The following ZNF385B variants were observed in gnomAD, a reference collection of about 807,000 sequenced individuals.
The protein encoded by ZNF385B is zinc finger protein 385B, also known as zinc finger protein 533.
A neutral mutation model predicts 39.2 loss-of-function variants in ZNF385B; 23 were observed. That is an observed-to-expected ratio of 0.59 (90% CI 0.42 to 0.83). The LOEUF (loss-of-function observed/expected upper bound fraction) is 0.83, where lower values mean the gene tolerates loss of function less well. Ranked by LOEUF, ZNF385B falls within the 40% of genes least tolerant of loss-of-function variation. The pLI is 0.00. For missense variants in ZNF385B, 552 were observed against 598.9 expected (o/e 0.92, Z 0.82); for synonymous variants, 205 against 222.6 (o/e 0.92, Z 0.70).
At chr2:179,679,849 C>G (rs998383822) in intron 3 of ZNF385B, among the ~76,000 whole-genome samples, 1 of 152,072 alleles carries the variant, frequency 6.6e-6, no homozygotes, top group African/African-American at 2.4e-5. Flanking sequence ...CTTATTTATG[C>G]TTTTGCCTAC....
At chr2:179,665,001 G>A (rs916852775) in intron 3 of ZNF385B, among the ~76,000 whole-genome samples, 3 of 152,134 alleles carry the variant, frequency 2.0e-5, no homozygotes, top group Non-Finnish European at 2.9e-5. Context: ...CTTGGATTCA[G>A]AATTAGCTAA....
intron 3 of ZNF385B, among the ~76,000 whole-genome samples, chr2:179,715,470 G>T (rs1042282733): frequency 6.6e-6 from 1 of 152,146 alleles, no homozygotes; most frequent in Non-Finnish European, 1.5e-5. Flanking sequence ...CAGAAAAAGG[G>T]ATTTACTGAG....
At chr2:179,502,791 C>T (rs897411719) in intron 5 of ZNF385B, among the ~76,000 whole-genome samples, 2 of 152,132 alleles carry the variant, frequency 1.3e-5, no homozygotes, top group East Asian at 3.9e-4. Flanking sequence ...TACCTTCACC[C>T]CCACATTCAA....
At chr2:179,604,721 GT>G (rs1574958208) in intron 3 of ZNF385B, among the ~76,000 whole-genome samples, 1 of 151,966 alleles carries the variant, frequency 6.6e-6, no homozygotes, top group African/African-American at 2.4e-5. Flanking sequence ...TGGCAAGGCT[GT>G]TTTTGAGCAA....
At chr2:179,497,257 G>A (rs570150934) in intron 5 of ZNF385B, among the ~76,000 whole-genome samples, 9 of 152,196 alleles carry the variant, frequency 5.9e-5, no homozygotes, top group Admixed American at 1.3e-4. Flanking sequence ...CACAGAATAA[G>A]ATAACACTGT....
intron 3 of ZNF385B, among the ~76,000 whole-genome samples, chr2:179,761,577 G>C (rs1703388692): frequency 6.7e-6 from 1 of 148,950 alleles, no homozygotes; most frequent in African/African-American, 2.4e-5. Context: ...AATATAATAT[G>C]CAATTGATTT....
intron 3 of ZNF385B, among the ~76,000 whole-genome samples, chr2:179,751,949 A>G (rs372529811): frequency 1.3e-5 from 2 of 151,974 alleles, no homozygotes; most frequent in Non-Finnish European, 2.9e-5. Flanking sequence ...TCTTTTTATT[A>G]TTATACTTTA....
At chr2:179,581,718 T>C (rs558491658) in intron 3 of ZNF385B, among the ~76,000 whole-genome samples, 1 of 152,314 alleles carries the variant, frequency 6.6e-6, no homozygotes, top group East Asian at 1.9e-4. Context: ...TTCCCAGAAT[T>C]CCTTGCAGCT....
chr2:179,597,526 T>A (rs1688094913), intron 3 of ZNF385B, among the ~76,000 whole-genome samples: 1 of 152,218 alleles, frequency 6.6e-6, no homozygotes, highest in Non-Finnish European at 1.5e-5. Flanking sequence ...GTCAGTAGCT[T>A]TACTCTTGAA....
chr2:179,790,226 C>T (rs61382583), intron 1 of ZNF385B, among the ~76,000 whole-genome samples: 5,994 of 152,238 alleles, frequency 0.039, 395 homozygotes, highest in African/African-American at 0.14. Flanking sequence ...TGGAAGATTT[C>T]TCCTCTTTTG....
chr2:179,580,028 A>G (rs1042713167), intron 3 of ZNF385B, among the ~76,000 whole-genome samples: 1 of 152,174 alleles, frequency 6.6e-6, no homozygotes, highest in African/African-American at 2.4e-5. Context: ...AAGGCCTGGA[A>G]TGGAATCTCA....
At chr2:179,622,242 A>T (rs1213189459) in intron 3 of ZNF385B, among the ~76,000 whole-genome samples, 1 of 152,236 alleles carries the variant, frequency 6.6e-6, no homozygotes, top group Admixed American at 6.5e-5. Context: ...ATAAAAATGT[A>T]GTATAACAGC....
Position 179,547,608 on chromosome 2 carries a change from G to T in ZNF385B, c.299-2639C>A, listed in dbSNP as rs575506373. Among the ~76,000 whole-genome samples, 67 of 149,308 alleles carry T rather than the reference G, an allele frequency of 4.5e-4. 1 individual carries two copies. Among genetic ancestry groups the T allele is most frequent in the Non-Finnish European group, 6.1e-4 (41 of 67,580 alleles). ...TTTTATGCCAGTACCATGATGTTTT[G>T]GTTACTATAGCTCTGCAGAATAATT... is the stretch of plus-strand genomic sequence containing the variant. On this transcript the variant is annotated intron_variant, in intron 3 of 9. Transcript: ENST00000410066.
At chr2:179,705,410 C>T (rs1039591607) in intron 3 of ZNF385B, among the ~76,000 whole-genome samples, 11 of 152,206 alleles carry the variant, frequency 7.2e-5, no homozygotes, top group African/African-American at 2.2e-4. Context: ...GTGTTGGGTT[C>T]ACCATCTTTC....
intron 5 of ZNF385B, among the ~76,000 whole-genome samples, chr2:179,489,052 C>T (rs2054923217): frequency 6.6e-6 from 1 of 152,098 alleles, no homozygotes; most frequent in African/African-American, 2.4e-5. Flanking sequence ...ATATGAGAAT[C>T]AGGAGAGAGG....
chr2:179,527,256 T>G (rs986078169), intron 4 of ZNF385B, among the ~76,000 whole-genome samples: 1 of 152,098 alleles, frequency 6.6e-6, no homozygotes, highest in African/African-American at 2.4e-5. Flanking sequence ...CACAAGGGAG[T>G]CAGCCCAGAG....
At chr2:179,655,884 A>C (rs756566934) in intron 3 of ZNF385B, among the ~76,000 whole-genome samples, 12 of 152,208 alleles carry the variant, frequency 7.9e-5, no homozygotes, top group Non-Finnish European at 1.5e-4. Context: ...TAAAACAATT[A>C]CTTTACAGCT....
In ZNF385B at chr2:179,781,629, A is replaced by T. The variant is rs188166360; in HGVS notation, c.-154-10957T>A. ...ACTATAAGAGAAAAAATTGGGATACACTAAAATTAAAATTGTTTCTTCAAA... is the reference window on the plus strand; with the variant it reads ...ACTATAAGAGAAAAAATTGGGATACTCTAAAATTAAAATTGTTTCTTCAAA... On this transcript the variant is annotated intron_variant, in intron 1 of 9. Coordinates refer to ENST00000410066, the MANE Select transcript of ZNF385B (RefSeq NM_152520.6). Among the ~76,000 whole-genome samples the T allele has an allele frequency of 1.3e-3, 195 of 152,282 alleles. 2 individuals carry two copies. The highest frequency in any genetic ancestry group is 4.5e-3 in the African/African-American group (189 of 41,568).
At chr2:179,593,550 A>G (rs1158835416) in intron 3 of ZNF385B, among the ~76,000 whole-genome samples, 1 of 152,182 alleles carries the variant, frequency 6.6e-6, no homozygotes, top group Non-Finnish European at 1.5e-5. Flanking sequence ...TAGAACAATT[A>G]CTTAAATGCT....
Sources: gnomAD v4.1 joint callset for allele counts (sites outside exome capture counted in the v4.1 genomes callset) on GRCh38, gnomAD v4.1.1 for gene constraint, MANE v1.5 for transcripts, NCBI Gene and HGNC (gene_info 2026-07-23, HGNC 2026-07-21) for gene names.